The following NELL2 variants were observed in gnomAD, a reference collection of about 807,000 sequenced individuals.
NELL2 encodes the protein protein kinase C-binding protein NELL2.
In NELL2, 41 loss-of-function variants were observed where a neutral mutation model predicts 109.6. The observed-to-expected ratio is 0.37, with a 90% CI of 0.29 to 0.49. The LOEUF (loss-of-function observed/expected upper bound fraction) is 0.49, where lower values mean the gene tolerates loss of function less well. NELL2 is among the 20% of genes least tolerant of loss of function. The pLI is 0.98. For synonymous variants in NELL2, 355 were observed against 344.7 expected (o/e 1.03, Z -0.33); for missense variants, 900 against 1,008.3 (o/e 0.89, Z 1.45).
intron 2 of NELL2, among the ~76,000 whole-genome samples, chr12:44,818,092 C>A (rs1482290807): frequency 6.6e-6 from 1 of 152,208 alleles, no homozygotes; most frequent in African/African-American, 2.4e-5. Context: ...GAAACTTTTG[C>A]CACAATCAAT....
chr12:44,536,819 A>C (rs1003033076), intron 15 of NELL2, among the ~76,000 whole-genome samples: 1 of 152,010 alleles, frequency 6.6e-6, no homozygotes, highest in African/African-American at 2.4e-5. Flanking sequence ...CCAAAAGCAC[A>C]GAGAATCTAA....
chr12:44,875,309 T>A lies in NELL2; in HGVS notation c.100A>T (p.Thr34Ser), dbSNP rs1157276102. 7 of 1,614,020 alleles carry A rather than the reference T, an allele frequency of 4.3e-6. No homozygotes were observed. The highest frequency in any genetic ancestry group is 5.9e-6 in the Non-Finnish European group (7 of 1,180,024). The change falls in exon 2 of 20, where the codon ACA becomes TCA. Residue 34 changes from threonine to serine, a missense_variant. Around this residue, in one of 4 missense-constraint regions of NELL2, gnomAD observed 200 missense variants for 191.8 expected, o/e 1.04. Transcript: ENST00000429094. Reference sequence around the variant, plus strand: ...GTGGACTCCCCAAGTTCTAACTCTGTTAAGACGTCAATCTGTAGGGAAGGG... The same window carrying A: ...GTGGACTCCCCAAGTTCTAACTCTGATAAGACGTCAATCTGTAGGGAAGGG... ...VDPSLQIDVL[T>S]ELELGESTTG...
At chr12:44,524,003 T>C (rs535958001) in intron 16 of NELL2, among the ~76,000 whole-genome samples, 1 of 152,330 alleles carries the variant, frequency 6.6e-6, no homozygotes, top group East Asian at 1.9e-4. Context: ...CTCTTTCCAT[T>C]GTTCTGCCTA....
rs150509704 is a variant in NELL2, at chr12:44,624,535, T to G, written c.1445-13565A>C. On this transcript the variant is annotated intron_variant, in intron 13 of 19. Coordinates refer to ENST00000429094, the MANE Select transcript of NELL2 (RefSeq NM_001145108.2). ...TCTGGGATCCCAGATCTAGTACAAC[T>G]GGCAAATAGGTGTTATTTAAAGGTT... Among the ~76,000 whole-genome samples, 14 of 152,160 alleles carry G rather than the reference T, an allele frequency of 9.2e-5. No individual in the cohort carries two copies. The East Asian group carries it at 2.7e-3, about 30-fold the overall frequency.
chr12:44,530,953 G>T (rs1942025168), intron 16 of NELL2, among the ~76,000 whole-genome samples: 1 of 152,200 alleles, frequency 6.6e-6, no homozygotes, highest in African/African-American at 2.4e-5. Flanking sequence ...TAAGTTTTGA[G>T]AGTAATTTGT....
intron 13 of NELL2, among the ~76,000 whole-genome samples, chr12:44,651,976 C>T (rs533949885): frequency 3.6e-4 from 55 of 152,246 alleles, no homozygotes; most frequent in African/African-American, 1.3e-3. Flanking sequence ...ATCTGAAAAT[C>T]TGGCTGGAAA....
chr12:44,791,116 T>C (rs1265904004), intron 3 of NELL2, among the ~76,000 whole-genome samples: 22 of 12,218 alleles, frequency 1.8e-3, no homozygotes, highest in Non-Finnish European at 4.0e-3. Flanking sequence ...TATGTATATA[T>C]ATATGTATAT....
At chr12:44,713,262 A>G (rs1412447132) in intron 10 of NELL2, among the ~76,000 whole-genome samples, 1 of 151,686 alleles carries the variant, frequency 6.6e-6, no homozygotes, top group Non-Finnish European at 1.5e-5. Flanking sequence ...AGAGAGAAAG[A>G]GAAGTAGAGA....
At chr12:44,872,943 T>C (rs1363565196) in intron 2 of NELL2, among the ~76,000 whole-genome samples, 1 of 152,176 alleles carries the variant, frequency 6.6e-6, no homozygotes, top group Non-Finnish European at 1.5e-5. Context: ...GCAGCAAGAC[T>C]CGGAACTGAC....
At position 44,876,138 on chromosome 12, in the gene NELL2, G is replaced by A. The variant is rs1435467061; in HGVS notation, c.-269C>T. ...CGGCCCGGAGGGGGCCCGGAGGGAG[G>A]GGTCGGACTCGCCCCGGCGCGGCTC... is the stretch of plus-strand genomic sequence containing the variant. On this transcript the variant is annotated 5_prime_UTR_variant, in exon 1 of 20. Transcript: ENST00000429094. 4 of 1,288,864 alleles carry A rather than the reference G, an allele frequency of 3.1e-6. No homozygotes were observed. Among genetic ancestry groups the A allele is most frequent in the Non-Finnish European group, 3.9e-6 (4 of 1,017,284 alleles). 79.8% of individuals were successfully genotyped at this position (1,288,864 alleles called of 1,614,324 possible).
chr12:44,745,473 A>G (rs148979567), intron 9 of NELL2, among the ~76,000 whole-genome samples: 8,111 of 152,192 alleles, frequency 0.053, 678 homozygotes, highest in African/African-American at 0.18. Context: ...GGAGAAGGAA[A>G]TAAAGGGTAT....
intron 3 of NELL2, among the ~76,000 whole-genome samples, chr12:44,791,673 CT>C (rs1468239688): frequency 6.6e-6 from 1 of 151,892 alleles, no homozygotes; most frequent in Non-Finnish European, 1.5e-5. Flanking sequence ...GCTTTTGACT[CT>C]AATGTTTTGT....
At position 44,725,499 on chromosome 12, in the gene NELL2, C is replaced by A. The variant is rs145997485; in HGVS notation, c.995-10758G>T. ...CCCATTCAGCCCAGCAATCCCATTA[C>A]TGGGTACATACTCAGACAAATATAA... On this transcript the variant is annotated intron_variant, in intron 9 of 19. Coordinates refer to ENST00000429094, the MANE Select transcript of NELL2 (RefSeq NM_001145108.2). 3.9e-5 allele frequency among the ~76,000 whole-genome samples: 6 copies of A among 152,324 alleles called. 1 individual carries two copies. Among genetic ancestry groups the A allele is most frequent in the African/African-American group, 1.4e-4 (6 of 41,568 alleles).
intron 1 of NELL2, among the ~76,000 whole-genome samples, chr12:44,919,412 G>A (rs1945852915): frequency 6.6e-6 from 1 of 151,984 alleles, no homozygotes; most frequent in Non-Finnish European, 1.5e-5. Context: ...TATTATTGTG[G>A]GTTGCACTGT....
intron 9 of NELL2, among the ~76,000 whole-genome samples, chr12:44,745,056 A>G (rs1455895023): frequency 6.6e-6 from 1 of 152,242 alleles, no homozygotes; most frequent in African/African-American, 2.4e-5. Context: ...AATCCTACAT[A>G]AAATACTGGC....
At chr12:44,703,632 C>T in intron 12 of NELL2, 94 bp downstream of exon 12, 1 of 1,259,482 alleles carries the variant, frequency 7.9e-7, no homozygotes, top group Non-Finnish European at 1.1e-6. Flanking sequence ...TTTAATGGGC[C>T]CATCAACTTG....
chr12:44,868,456 C>T (rs941411412), intron 2 of NELL2, among the ~76,000 whole-genome samples: 7 of 152,156 alleles, frequency 4.6e-5, no homozygotes, highest in African/African-American at 2.4e-5. Flanking sequence ...TTAGGTTGAT[C>T]TCACATCTTG....
At chr12:44,613,905 C>T (rs549334101) in intron 13 of NELL2, among the ~76,000 whole-genome samples, 3 of 152,118 alleles carry the variant, frequency 2.0e-5, no homozygotes, top group African/African-American at 4.8e-5. Flanking sequence ...ATCACTAGTT[C>T]GCCTCTCCAT....
At chr12:44,535,198 T>C (rs1942241076) in intron 15 of NELL2, among the ~76,000 whole-genome samples, 1 of 152,044 alleles carries the variant, frequency 6.6e-6, no homozygotes, top group Non-Finnish European at 1.5e-5. Flanking sequence ...TACTTTGTAA[T>C]AGGATTATAG....
Sources: gnomAD v4.1 joint callset for allele counts (sites outside exome capture counted in the v4.1 genomes callset) on GRCh38, gnomAD v4.1.1 for gene constraint, gnomAD v4.1.1 regional missense constraint, MANE v1.5 for transcripts, NCBI Gene and HGNC (gene_info 2026-07-23, HGNC 2026-07-21) for gene names.